ZNF221: variants seen among roughly 807,000 people sequenced by gnomAD.
ZNF221 encodes the protein zinc finger protein 221.
Under a neutral mutation model 12.6 loss-of-function variants are expected in ZNF221, and 10 were observed. The observed-to-expected ratio is 0.79, with a 90% CI of 0.49 to 1.34. The LOEUF (loss-of-function observed/expected upper bound fraction) is 1.34, where lower values mean the gene tolerates loss of function less well. Ranked by LOEUF, ZNF221 falls within the 40% of genes most tolerant of loss-of-function variation. The pLI is 0.00. For missense variants in ZNF221, 661 were observed against 721.4 expected, an observed-to-expected ratio of 0.92 and a Z score of 0.96; for synonymous variants, 232 against 244.0, an observed-to-expected ratio of 0.95 and a Z score of 0.46.
chr19:43,969,624 C>G (rs1342787238), downstream of ZNF221, among the ~76,000 whole-genome samples: 1 of 152,170 alleles, frequency 6.6e-6, no homozygotes, highest in Admixed American at 6.5e-5. Context: ...GCTGGGATTA[C>G]AGGCATGAGC....
At chr19:43,969,880 C>T (rs529033586), downstream of ZNF221, among the ~76,000 whole-genome samples, 2 of 152,304 alleles carry the variant, frequency 1.3e-5, no homozygotes, top group East Asian at 3.9e-4. Flanking sequence ...AAGGGTCCTC[C>T]CCCACCGCAG....
chr19:43,964,937 T>C lies in ZNF221; in HGVS notation c.82-13T>C, dbSNP rs2147342941. On this transcript the variant is annotated splice_polypyrimidine_tract_variant and intron_variant, in intron 2 of 4. Transcript: ENST00000587682. ...GGTCATAAGATTTAGGTTTTGTATG[T>C]TGGATATTTTAGGAGGCAGTGACAT... is the stretch of plus-strand genomic sequence containing the variant. The C allele has an allele frequency of 6.2e-7, 1 of 1,614,030 alleles. No individual in the cohort carries two copies.
intron 1 of ZNF221, among the ~76,000 whole-genome samples, chr19:43,957,850 G>T: frequency 6.6e-6 from 1 of 152,174 alleles, no homozygotes; most frequent in Non-Finnish European, 1.5e-5. Flanking sequence ...ACAAACAAAA[G>T]AAAAGATGTT....
chr19:43,967,089 T>C lies in ZNF221; in HGVS notation c.1587T>C (p.Thr529=). The change falls in exon 5 of 5, where the codon ACT becomes ACC. Residue 529 remains threonine, a synonymous_variant. Transcript: ENST00000587682. ...SQLHSHQTCH[T]GEKLYKCEQC... ...TTCATTCCCATCAGACATGCCATACTGGAGAAAAGCTATACAAATGTGAGC... is the reference window on the plus strand; with the variant it reads ...TTCATTCCCATCAGACATGCCATACCGGAGAAAAGCTATACAAATGTGAGC... 1 of 1,595,592 alleles carries C rather than the reference T, an allele frequency of 6.3e-7. No homozygotes were observed. Among genetic ancestry groups the C allele is most frequent in the African/African-American group, 1.3e-5 (1 of 74,844 alleles).
downstream of ZNF221, among the ~76,000 whole-genome samples, chr19:43,970,878 A>G (rs1342415553): frequency 6.6e-6 from 1 of 152,234 alleles, no homozygotes; most frequent in Non-Finnish European, 1.5e-5. Flanking sequence ...CAAACCTAGC[A>G]TGACAGGCTA....
chr19:43,974,101 A>G, the ZNF221 span, among the ~76,000 whole-genome samples: 1 of 152,290 alleles, frequency 6.6e-6, no homozygotes, highest in African/African-American at 2.4e-5. Context: ...AAGACCACAC[A>G]CCTACAACCA....
chr19:43,973,830 T>C, the ZNF221 span, among the ~76,000 whole-genome samples: 2 of 152,166 alleles, frequency 1.3e-5, no homozygotes, highest in African/African-American at 2.4e-5. Context: ...CCCAAAGTAA[T>C]TTATAGATTC....
downstream of ZNF221, chr19:43,968,114 A>T (rs1265264728): frequency 1.3e-5 from 2 of 152,348 alleles, no homozygotes; most frequent in African/African-American, 4.8e-5. Context: ...TTCATATCTC[A>T]TAGCTTATTA....
At chr19:43,952,949 T>G (rs976409158) in intron 1 of ZNF221, among the ~76,000 whole-genome samples, 1 of 152,198 alleles carries the variant, frequency 6.6e-6, no homozygotes, top group Admixed American at 6.5e-5. Flanking sequence ...ACCATTAAGC[T>G]TATTTTTATT....
Position 43,960,520 on chromosome 19 carries a change from A to G in ZNF221, c.-2-2205A>G, listed in dbSNP as rs1974826316. On this transcript the variant is annotated intron_variant, in intron 1 of 4. Transcript: ENST00000587682. ...AAGTGGTAATATCTGAGACAATGGG[A>G]AAAAGACCTGGAAGACATTTCAGAA... Among the ~76,000 whole-genome samples the G allele has an allele frequency of 3.3e-5, 5 of 152,192 alleles. 1 individual carries two copies. In the South Asian group the frequency reaches 1.0e-3, roughly 31 times the overall value.
At chr19:43,980,746 A>G in the ZNF221 span, among the ~76,000 whole-genome samples, 1 of 152,202 alleles carries the variant, frequency 6.6e-6, no homozygotes, top group Non-Finnish European at 1.5e-5. Flanking sequence ...AAATAGCGTC[A>G]CAACGCCTAG....
chr19:43,976,846 A>C, the ZNF221 span: 1 of 152,232 alleles, frequency 6.6e-6, no homozygotes, highest in Non-Finnish European at 1.5e-5. Flanking sequence ...AAAGTGGTAT[A>C]TGGCAGTATG....
chr19:43,959,796 C>T (rs1974814585), intron 1 of ZNF221, among the ~76,000 whole-genome samples: 1 of 152,100 alleles, frequency 6.6e-6, no homozygotes, highest in African/African-American at 2.4e-5. Flanking sequence ...TACCCAGCCT[C>T]AGGTATTTTG....
In ZNF221 at chr19:43,966,167, G is replaced by A; in HGVS notation, c.665G>A (p.Gly222Glu). The A allele has an allele frequency of 6.2e-7, 1 of 1,614,190 alleles. No individual in the cohort carries two copies. The highest frequency in any genetic ancestry group is 1.1e-5 in the South Asian group (1 of 91,086). ...CATATTCATCAGAGAGTCCATATGG[G>A]AGAAAAATGCTATAAGTGTGATGTG... ...ALHIHQRVHM[G>E]EKCYKCDVCG... The change falls in exon 5 of 5, where the codon GGA becomes GAA. Residue 222 changes from glycine (G) to glutamate (E), a missense_variant. Transcript: ENST00000587682.
chr19:43,979,898 A>G, the ZNF221 span, among the ~76,000 whole-genome samples: 1 of 152,174 alleles, frequency 6.6e-6, no homozygotes, highest in African/African-American at 2.4e-5. Context: ...TTTCCAGTGG[A>G]AAATAGGGCA....
At chr19:43,953,529 T>C (rs934856336) in intron 1 of ZNF221, among the ~76,000 whole-genome samples, 1 of 152,136 alleles carries the variant, frequency 6.6e-6, no homozygotes, top group East Asian at 1.9e-4. Flanking sequence ...CCCTTCTCCC[T>C]TCCCAGAGGT....
Position 43,965,834 on chromosome 19 carries a change from T to C in ZNF221, c.332T>C (p.Val111Ala). Reference sequence around the variant, plus strand: ...AAGATCCAAATTGAGATGGAGACTGTTCCAGAAGCAGGACCACATGAAGAG... The same window carrying C: ...AAGATCCAAATTGAGATGGAGACTGCTCCAGAAGCAGGACCACATGAAGAG... ...GGKIQIEMET[V>A]PEAGPHEEWS... The change falls in exon 5 of 5, where the codon GTT (valine) becomes GCT (alanine). Residue 111 changes from valine to alanine, a missense_variant. Val to Ala is a moderately conservative substitution (Grantham distance 64). Coordinates refer to ENST00000587682, the MANE Select transcript of ZNF221 (RefSeq NM_001297588.2). 1 of 1,606,268 alleles carries C rather than the reference T, an allele frequency of 6.2e-7. No homozygotes were observed. The highest frequency in any genetic ancestry group is 8.5e-7 in the Non-Finnish European group (1 of 1,175,384).
chr19:43,956,453 A>T (rs1250057432), intron 1 of ZNF221, among the ~76,000 whole-genome samples: 2 of 152,150 alleles, frequency 1.3e-5, no homozygotes, highest in Non-Finnish European at 2.9e-5. Flanking sequence ...TTTATGTTCT[A>T]GTCCCAGGAA....
At chr19:43,953,257 CTTT>C (rs60450738) in intron 1 of ZNF221, among the ~76,000 whole-genome samples, 3 of 142,346 alleles carry the variant, frequency 2.1e-5, no homozygotes, top group African/African-American at 2.5e-5. Flanking sequence ...AGTCATTAAG[CTTT>C]TTTTTTTTTT....
Sources: gnomAD v4.1 joint callset for allele counts (sites outside exome capture counted in the v4.1 genomes callset) on GRCh38, gnomAD v4.1.1 for gene constraint, MANE v1.5 for transcripts, NCBI Gene and HGNC (gene_info 2026-07-23, HGNC 2026-07-21) for gene names.